The following RRP7A variants were observed in gnomAD, a reference collection of about 807,000 sequenced individuals.
RRP7A encodes ribosomal RNA processing 7 homolog A.
Under a neutral mutation model 38.4 loss-of-function variants are expected in RRP7A, and 27 were observed. That is an observed-to-expected ratio of 0.70 (90% confidence interval 0.52 to 0.97). The LOEUF (loss-of-function observed/expected upper bound fraction) is 0.97, where lower values mean the gene tolerates loss of function less well. Among genes scored for constraint, RRP7A ranks in the 50% least tolerant of loss-of-function variants. The pLI is 0.00. For missense variants in RRP7A, 327 were observed against 375.4 expected (o/e 0.87, Z 1.07); for synonymous variants, 124 against 150.3 (o/e 0.83, Z 1.28).
rs749150698 is a variant in RRP7A at position 42,518,006 on chromosome 22, T to A, written c.215A>T (p.Glu72Val). The change falls in exon 2 of 7, where the codon GAG becomes GTG. Residue 72 changes from glutamate to valine, a missense_variant and splice_region_variant. Coordinates refer to ENST00000323013, the MANE Select transcript of RRP7A (RefSeq NM_015703.5). ...FVLNVPPYCT[E>V]ESLSRLLSTC... Reference sequence around the variant, plus strand: ...CCTCCCAGACAGACACTAGCTCACCTCTGTGCAGTATGGGGGCACATTGAG... The same window carrying A: ...CCTCCCAGACAGACACTAGCTCACCACTGTGCAGTATGGGGGCACATTGAG... 2.0e-5 allele frequency: 32 copies of A among 1,612,448 alleles called. No individual in the cohort carries two copies. Among genetic ancestry groups the A allele is most frequent in the Non-Finnish European group, 2.7e-5 (32 of 1,179,240 alleles).
At position 42,510,461 on chromosome 22, in the gene RRP7A, GA is replaced by G. The variant is rs1219456570; in HGVS notation, c.*2448del. Reference sequence around the variant, plus strand: ...CTTGTGCCAGCTGAGCGTGAGCTGAGATTAACTGAGCCTCAAATCCAACCCA... The same window carrying G: ...CTTGTGCCAGCTGAGCGTGAGCTGAGTTAACTGAGCCTCAAATCCAACCCA... On this transcript the variant is annotated 3_prime_UTR_variant, in exon 7 of 7. Coordinates refer to ENST00000323013, the MANE Select transcript of RRP7A (RefSeq NM_015703.5). The G allele has an allele frequency of 3.1e-6, 1 of 321,986 alleles. No homozygotes were observed. Among genetic ancestry groups the G allele is most frequent in the Non-Finnish European group, 6.0e-6 (1 of 167,240 alleles). 19.9% of individuals were successfully genotyped at this position (321,986 alleles called of 1,614,324 possible).
Position 42,510,472 on chromosome 22 carries a change from C to T in RRP7A, c.*2438G>A, listed in dbSNP as rs574767440. On this transcript the variant is annotated 3_prime_UTR_variant, in exon 7 of 7. Coordinates refer to ENST00000323013, the MANE Select transcript of RRP7A (RefSeq NM_015703.5). Reference sequence around the variant, plus strand: ...TGAGCGTGAGCTGAGATTAACTGAGCCTCAAATCCAACCCAGGGTCAAGGG... The same window carrying T: ...TGAGCGTGAGCTGAGATTAACTGAGTCTCAAATCCAACCCAGGGTCAAGGG... 1.8e-5 allele frequency: 6 copies of T among 332,144 alleles called. No homozygotes were observed. The highest frequency in any genetic ancestry group is 1.1e-4 in the African/African-American group (5 of 46,080). 20.6% of individuals were successfully genotyped at this position (332,144 alleles called of 1,614,324 possible).
rs746940042 is a variant in RRP7A, at chr22:42,512,948, C to G, written c.805G>C (p.Glu269Gln). ...KKFEEDKQRI[E>Q]LLRAQRKFRP... ...AATTTGCGCTGGGCCCGCAGCAGCT[C>G]GATCCTCTGCTTGTCCTCCTCGAAC... Residue 269 changes from glutamate to glutamine, a missense_variant, in exon 7 of 7, where the codon GAG becomes CAG. Glu to Gln is a conservative substitution (Grantham distance 29). This residue lies in a region of RRP7A where 84 missense variants were observed against 82.8 expected (regional missense o/e 1.01). Coordinates refer to ENST00000323013, the MANE Select transcript of RRP7A (RefSeq NM_015703.5). 6 of 1,613,598 alleles carry G rather than the reference C, an allele frequency of 3.7e-6. No homozygotes were observed. The highest frequency in any genetic ancestry group is 1.1e-5 in the South Asian group (1 of 91,042).
At position 42,512,194 on chromosome 22, in the gene RRP7A, G is replaced by C. The variant is rs1317255171; in HGVS notation, c.*716C>G. ...CCCCAGCACGTGGCCAGTATCATCA[G>C]CTCCTTCTTACAGTGCACACACACG... On this transcript the variant is annotated 3_prime_UTR_variant, in exon 7 of 7. Transcript: ENST00000323013. 8 of 1,609,488 alleles carry C rather than the reference G, an allele frequency of 5.0e-6. No individual in the cohort carries two copies. The East Asian group carries it at 1.3e-4, about 27-fold the overall frequency.
In RRP7A at chr22:42,511,613, T is replaced by C. The variant is rs12485160; in HGVS notation, c.*1297A>G. On this transcript the variant is annotated 3_prime_UTR_variant, in exon 7 of 7. Coordinates refer to ENST00000323013, the MANE Select transcript of RRP7A (RefSeq NM_015703.5). ...GTTCCTGGGAGCACCTGGTGTTTTA[T>C]GGTCACCTACCCACTTACACCTGAC... 19,073 of 165,608 alleles carry C rather than the reference T, an allele frequency of 0.12. 1,377 individuals are homozygous for C. Among genetic ancestry groups the C allele is most frequent in the Admixed American group, 0.18 (2,881 of 16,402 alleles). The allele number at this position is 165,608 out of a possible 1,614,324, so 10.3% of individuals were successfully genotyped here.
rs747222023 is a variant in RRP7A, at chr22:42,514,715, C to T, written c.525G>A (p.Thr175=). The change falls in exon 5 of 7, where the codon ACG becomes ACA. Residue 175 remains threonine (T), a synonymous_variant. Coordinates refer to ENST00000323013, the MANE Select transcript of RRP7A (RefSeq NM_015703.5). ...DPEALRVEVD[T]FMEAYDQKIA... ...TCTTCTGGTCATATGCCTCCATGAA[C>T]GTGTCCACTTCCACCCTCAGGGCCT... is the stretch of plus-strand genomic sequence containing the variant. 42 of 1,611,176 alleles carry T rather than the reference C, an allele frequency of 2.6e-5. No homozygotes were observed. In the East Asian group the frequency reaches 3.3e-4, roughly 13 times the overall value.
intron 5 of RRP7A, 143 bp from the exon 6 acceptor site, chr22:42,514,447 G>C: frequency 3.8e-6 from 3 of 792,180 alleles, no homozygotes; most frequent in Non-Finnish European, 6.0e-6. Flanking sequence ...CAGTGTTGGG[G>C]CTAAGGATGG....
At position 42,510,602 on chromosome 22, in the gene RRP7A, C is replaced by G. The variant is rs1932426688; in HGVS notation, c.*2308G>C. On this transcript the variant is annotated 3_prime_UTR_variant, in exon 7 of 7. Coordinates refer to ENST00000323013, the MANE Select transcript of RRP7A (RefSeq NM_015703.5). ...CTGGGAGGCGGTTCTAAGATGAACC[C>G]CAACAACCCCCAACTCCTCACTTTC... 11 of 994,108 alleles carry G rather than the reference C, an allele frequency of 1.1e-5. No individual in the cohort carries two copies. Among genetic ancestry groups the G allele is most frequent in the Non-Finnish European group, 1.6e-5 (11 of 686,856 alleles). The allele number at this position is 994,108 out of a possible 1,614,324, so 61.6% of individuals were successfully genotyped here.
Position 42,509,704 on chromosome 22 carries a change from C to G in RRP7A, c.*3206G>C, listed in dbSNP as rs1427193341. 6.6e-6 allele frequency among the ~76,000 whole-genome samples: 1 copy of G among 151,956 alleles called. No individual in the cohort carries two copies. Among genetic ancestry groups the G allele is most frequent in the Non-Finnish European group, 1.5e-5 (1 of 67,998 alleles). On this transcript the variant is annotated 3_prime_UTR_variant, in exon 7 of 7. Transcript: ENST00000323013. ...CTCCAGCATGGATGAGCCTTGAAAA[C>G]ATCGCACTAAGTGGATGAAGTCAGA...
chr22:42,519,687 C>T (rs1024203272), intron 1 of RRP7A, 27 bp downstream of exon 1: 62 of 1,440,184 alleles, frequency 4.3e-5, no homozygotes, highest in Non-Finnish European at 5.6e-5. Flanking sequence ...CTGACCGCCC[C>T]CGGTCTCGCG....
intron 1 of RRP7A, among the ~76,000 whole-genome samples, chr22:42,519,298 A>G (rs1027102899): frequency 2.6e-5 from 4 of 151,288 alleles, no homozygotes; most frequent in Non-Finnish European, 5.9e-5. Flanking sequence ...GGAGAACAGA[A>G]GCAGGGGCAA....
In RRP7A at chr22:42,509,751, T is replaced by C. The variant is rs1166248890; in HGVS notation, c.*3159A>G. On this transcript the variant is annotated 3_prime_UTR_variant, in exon 7 of 7. Coordinates refer to ENST00000323013, the MANE Select transcript of RRP7A (RefSeq NM_015703.5). ...CAGACACAACCGTCTACGTGTTGTA[T>C]GGCTGCATTCACGTTCAAGTCCAAA... Among the ~76,000 whole-genome samples the C allele has an allele frequency of 1.4e-5, 2 of 147,064 alleles. No individual in the cohort carries two copies. Among genetic ancestry groups the C allele is most frequent in the Non-Finnish European group, 3.0e-5 (2 of 66,574 alleles).
At chr22:42,514,073 G>A (rs769053046) in intron 6 of RRP7A, 33 bp downstream of exon 6, 21 of 1,595,262 alleles carry the variant, frequency 1.3e-5, no homozygotes, top group Admixed American at 7.0e-5. Context: ...GGCCAAGGCC[G>A]AGGGGTCTGA....
Position 42,511,808 on chromosome 22 carries a change from C to T in RRP7A, c.*1102G>A. On this transcript the variant is annotated 3_prime_UTR_variant, in exon 7 of 7. Coordinates refer to ENST00000323013, the MANE Select transcript of RRP7A (RefSeq NM_015703.5). ...TGCTCACGTCATCTCATTATCTTTT[C>T]TCACGAGGACTACTTCGGATACAAT... The T allele has an allele frequency of 3.0e-6, 1 of 329,208 alleles. No individual in the cohort carries two copies. The highest frequency in any genetic ancestry group is 6.2e-5 in the East Asian group (1 of 16,150). The allele number at this position is 329,208 out of a possible 1,614,324, so 20.4% of individuals were successfully genotyped here. A position where few individuals can be genotyped will look rare whatever the true frequency, so the allele number is the denominator to read the frequency against.
chr22:42,518,800 C>T (rs1920938553), intron 1 of RRP7A: 1 of 465,036 alleles, frequency 2.2e-6, no homozygotes, highest in African/African-American at 2.0e-5. Context: ...CTAGGAACTG[C>T]TTCTATTTTT....
intron 1 of RRP7A, among the ~76,000 whole-genome samples, chr22:42,519,432 G>A (rs1020709572): frequency 3.3e-5 from 5 of 152,196 alleles, no homozygotes; most frequent in South Asian, 2.1e-4. Flanking sequence ...GGGTGTGGAC[G>A]GAAATGGGTT....
chr22:42,509,850 G>GGGGTGTGTGTGTGTGT lies in RRP7A; in HGVS notation c.*3059_*3060insACACACACACACACCC, dbSNP rs1555985853. ...AAGCCTGTTGGGGGTGGGGGGGTGG[G>GGGGTGTGTGTGTGTGT]GTGTGTGTGTGTGTGTGTAAGCTCA... is the stretch of plus-strand genomic sequence containing the variant. On this transcript the variant is annotated 3_prime_UTR_variant, in exon 7 of 7. Coordinates refer to ENST00000323013, the MANE Select transcript of RRP7A (RefSeq NM_015703.5). The GGGGTGTGTGTGTGTGT allele has an allele frequency of 7.0e-5, 4 of 56,908 alleles. No individual in the cohort carries two copies. The highest frequency in any genetic ancestry group is 1.0e-4 in the Non-Finnish European group (3 of 29,028). The allele number at this position is 56,908 out of a possible 1,614,324, so 3.5% of individuals were successfully genotyped here.
chr22:42,509,355 C>CG lies in RRP7A; in HGVS notation c.*3554dup, dbSNP rs540594673. 6.9e-6 allele frequency among the ~76,000 whole-genome samples: 1 copy of CG among 145,664 alleles called. No individual in the cohort carries two copies. The highest frequency in any genetic ancestry group is 1.9e-4 in the East Asian group (1 of 5,178). On this transcript the variant is annotated 3_prime_UTR_variant, in exon 7 of 7. Coordinates refer to ENST00000323013, the MANE Select transcript of RRP7A (RefSeq NM_015703.5). Reference sequence around the variant, plus strand: ...TCCCATGCCTTTCCACAGGTGTCAGCGGGGGGCATGCCCAGGTAAGGCTCC... The same window carrying CG: ...TCCCATGCCTTTCCACAGGTGTCAGCGGGGGGGCATGCCCAGGTAAGGCTCC...
At position 42,509,359 on chromosome 22, in the gene RRP7A, G is replaced by T; in HGVS notation, c.*3551C>A. 6.6e-6 allele frequency among the ~76,000 whole-genome samples: 1 copy of T among 150,996 alleles called. No individual in the cohort carries two copies. The highest frequency in any genetic ancestry group is 1.5e-5 in the Non-Finnish European group (1 of 67,524). On this transcript the variant is annotated 3_prime_UTR_variant, in exon 7 of 7. Coordinates refer to ENST00000323013, the MANE Select transcript of RRP7A (RefSeq NM_015703.5). ...ATGCCTTTCCACAGGTGTCAGCGGG[G>T]GGCATGCCCAGGTAAGGCTCCATAA...
Sources: gnomAD v4.1 joint callset for allele counts (sites outside exome capture counted in the v4.1 genomes callset) on GRCh38, gnomAD v4.1.1 for gene constraint, gnomAD v4.1.1 regional missense constraint, MANE v1.5 for transcripts, NCBI Gene and HGNC (gene_info 2026-07-23, HGNC 2026-07-21) for gene names.